TMTC3: variants seen among roughly 807,000 people sequenced by gnomAD.
The protein encoded by TMTC3 is protein O-mannosyl-transferase TMTC3.
A neutral mutation model predicts 92.2 loss-of-function variants in TMTC3; 52 were observed. That is an observed-to-expected ratio of 0.56 (90% CI 0.45 to 0.71). The LOEUF is 0.71. Ranked by LOEUF, TMTC3 falls within the 30% of genes least tolerant of loss-of-function variation. TMTC3 has a pLI of 0.00. For synonymous variants in TMTC3, 339 were observed against 363.3 expected (o/e 0.93, Z 0.76); for missense variants, 896 against 1,057.1 (o/e 0.85, Z 2.11).
chr12:88,172,446 C>A, intron 7 of TMTC3, 151 bp from the exon 8 acceptor site: 1 of 325,850 alleles, frequency 3.1e-6, no homozygotes, highest in Non-Finnish European at 5.0e-6. Flanking sequence ...ATATTCTTCA[C>A]AGTATTATTA....
Position 88,160,797 on chromosome 12 carries a change from T to C in TMTC3, c.743T>C (p.Leu248Ser). The change falls in exon 6 of 14, where the codon TTA (leucine) becomes TCA (serine). Residue 248 changes from leucine to serine, a missense_variant. Transcript: ENST00000266712. ...ATTGTCTTGATGTTCAGTACATTAT[T>C]ACTTGTTGTGATTAGAGTCCAGGTT... ...KLIVLMFSTL[L>S]LVVIRVQVIQ... is the part of the protein sequence containing the mutation. 2 of 1,613,408 alleles carry C rather than the reference T, an allele frequency of 1.2e-6. No homozygotes were observed. The highest frequency in any genetic ancestry group is 1.7e-6 in the Non-Finnish European group (2 of 1,179,640).
At position 88,195,598 on chromosome 12, in the gene TMTC3, T is replaced by C. The variant is rs2041502621; in HGVS notation, c.2694T>C (p.Val898=). 6.2e-7 allele frequency: 1 copy of C among 1,602,802 alleles called. No individual in the cohort carries two copies. Among genetic ancestry groups the C allele is most frequent in the South Asian group, 1.1e-5 (1 of 88,018 alleles). ...KDIKEIEKKR[V]AALKRLEEIE... ...TCAAAGAAATTGAGAAGAAAAGAGT[T>C]GCTGCTTTAAAAAGACTAGAAGAGA... Residue 898 remains valine, a synonymous_variant, in exon 14 of 14, where the codon GTT becomes GTC. Coordinates refer to ENST00000266712, the MANE Select transcript of TMTC3 (RefSeq NM_181783.4).
intron 4 of TMTC3, among the ~76,000 whole-genome samples, chr12:88,157,074 G>A (rs148118613): frequency 5.1e-4 from 78 of 151,992 alleles, no homozygotes; most frequent in Middle Eastern, 3.4e-3. Flanking sequence ...CTTAGGGTAG[G>A]TAACTTTTTC....
chr12:88,152,424 C>T (rs2040954476), intron 2 of TMTC3, among the ~76,000 whole-genome samples: 1 of 152,126 alleles, frequency 6.6e-6, no homozygotes, highest in South Asian at 2.1e-4. Flanking sequence ...TCCCACCAGG[C>T]CCAACCTTCA....
Position 88,174,612 on chromosome 12 carries a change from T to C in TMTC3, c.1205T>C (p.Phe402Ser), listed in dbSNP as rs776259332. Residue 402 changes from phenylalanine (F) to serine (S), a missense_variant, in exon 9 of 14, where the codon TTT (phenylalanine) becomes TCT (serine). Coordinates refer to ENST00000266712, the MANE Select transcript of TMTC3 (RefSeq NM_181783.4). ...GCTTTTTTTCTCTTAAACAGTGTAT[T>C]TAAAAAGCTATCCTGGATTTGTCTG... ...GWQKISTKSV[F>S]KKLSWICLSM... 1 of 1,605,570 alleles carries C rather than the reference T, an allele frequency of 6.2e-7. No homozygotes were observed. The highest frequency in any genetic ancestry group is 1.7e-5 in the Admixed American group (1 of 57,796).
intron 4 of TMTC3, among the ~76,000 whole-genome samples, chr12:88,155,403 A>G (rs1000068136): frequency 2.0e-5 from 3 of 152,178 alleles, no homozygotes; most frequent in Non-Finnish European, 4.4e-5. Context: ...TTTAAGTACC[A>G]TCCTCACCAA....
At chr12:88,173,941 T>A (rs2041231703) in intron 8 of TMTC3, among the ~76,000 whole-genome samples, 1 of 152,108 alleles carries the variant, frequency 6.6e-6, no homozygotes, top group Non-Finnish European at 1.5e-5. Flanking sequence ...TACTTGTGTG[T>A]TCTAGTTAAG....
rs1592723927 is a variant in TMTC3, at chr12:88,153,232, CT to C, written c.190-55del. ...CTTTAATGGTAAATGCAGTGATGAGCTTTTGTACCCTGTTGGACCAAGGTAC... is the reference window on the plus strand; with the variant it reads ...CTTTAATGGTAAATGCAGTGATGAGCTTTGTACCCTGTTGGACCAAGGTAC... On this transcript the variant is annotated intron_variant, in intron 2 of 13. Coordinates refer to ENST00000266712, the MANE Select transcript of TMTC3 (RefSeq NM_181783.4). The C allele has an allele frequency of 1.3e-5, 15 of 1,146,358 alleles. No homozygotes were observed. The East Asian group carries it at 3.6e-4, about 28-fold the overall frequency. The allele number at this position is 1,146,358 out of a possible 1,614,324, so 71.0% of individuals were successfully genotyped here. A position where few individuals can be genotyped will look rare whatever the true frequency, so the allele number is the denominator to read the frequency against.
At chr12:88,179,348 A>G (rs995188289) in intron 10 of TMTC3, among the ~76,000 whole-genome samples, 6 of 152,176 alleles carry the variant, frequency 3.9e-5, no homozygotes, top group Admixed American at 6.5e-5. Flanking sequence ...TGGTTAGTTA[A>G]AAGTTTGGAC....
chr12:88,165,364 C>T (rs2041132130), intron 6 of TMTC3, among the ~76,000 whole-genome samples: 1 of 151,912 alleles, frequency 6.6e-6, no homozygotes, highest in Admixed American at 6.6e-5. Context: ...TTCAGTTCTG[C>T]TGGTTATTTT....
intron 8 of TMTC3, chr12:88,173,148 T>G: frequency 1.7e-6 from 2 of 1,150,168 alleles, no homozygotes; most frequent in South Asian, 1.6e-5. Flanking sequence ...TGTAATTTCT[T>G]GCTATCATCA....
Position 88,160,226 on chromosome 12 carries a change from G to C in TMTC3, c.621G>C (p.Gln207His), listed in dbSNP as rs777314687. 1.3e-6 allele frequency: 2 copies of C among 1,515,986 alleles called. No homozygotes were observed. Among genetic ancestry groups the C allele is most frequent in the Admixed American group, 4.4e-5 (2 of 45,754 alleles). The allele number at this position is 1,515,986 out of a possible 1,614,324, so 93.9% of individuals were successfully genotyped here. ...GTGTGTATGAAGTGTTTATTGCCCA[G>C]GGGGTAAGCCAAACTATAAATATAT... Reference protein sequence around the residue: ...ICCVYEVFIAQGYTLPLLCTT... With the variant: ...ICCVYEVFIAHGYTLPLLCTT... The change falls in exon 5 of 14, where the codon CAG becomes CAC. Residue 207 changes from glutamine to histidine, a missense_variant. Physicochemically the swap from Gln to His is conservative, Grantham distance 24. Transcript: ENST00000266712.
intron 7 of TMTC3, 147 bp downstream of exon 7, chr12:88,166,729 C>A: frequency 1.1e-6 from 1 of 909,984 alleles, no homozygotes. Context: ...TTGAGTTTAT[C>A]CCAAAATTCT....
chr12:88,182,924 T>G (rs1227017860), intron 10 of TMTC3, among the ~76,000 whole-genome samples: 2 of 152,154 alleles, frequency 1.3e-5, no homozygotes, highest in African/African-American at 4.8e-5. Context: ...AAGTTCATAA[T>G]GACTACAGGC....
intron 10 of TMTC3, among the ~76,000 whole-genome samples, chr12:88,187,167 T>TAAAAAA (rs71448730): frequency 4.7e-5 from 6 of 126,348 alleles, no homozygotes; most frequent in South Asian, 2.5e-4. Context: ...ATTTATCTGG[T>TAAAAAA]AAAAAAAAAA....
chr12:88,198,235 A>G lies in TMTC3; in HGVS notation c.*2586A>G, dbSNP rs575460427. The G allele has an allele frequency of 5.0e-6, 2 of 396,686 alleles. No homozygotes were observed. Among genetic ancestry groups the G allele is most frequent in the African/African-American group, 4.1e-5 (2 of 48,382 alleles). 24.6% of individuals were successfully genotyped at this position (396,686 alleles called of 1,614,324 possible). The stretch of plus-strand genomic sequence containing the variant: ...TTTTTTCCTCTGGAGCTGCCTGTTC[A>G]GTGAGATGGAGGAGGTGGGCACATT... On this transcript the variant is annotated 3_prime_UTR_variant, in exon 14 of 14. Coordinates refer to ENST00000266712, the MANE Select transcript of TMTC3 (RefSeq NM_181783.4).
At chr12:88,146,460 A>T (rs1053074674) in intron 1 of TMTC3, among the ~76,000 whole-genome samples, 11 of 152,032 alleles carry the variant, frequency 7.2e-5, no homozygotes, top group African/African-American at 1.2e-4. Context: ...TAAGTAGCAG[A>T]GACTAGTTTT....
intron 6 of TMTC3, among the ~76,000 whole-genome samples, chr12:88,165,499 AT>A (rs1272164427): frequency 1.3e-5 from 2 of 152,048 alleles, no homozygotes; most frequent in Non-Finnish European, 2.9e-5. Context: ...TTTATCAAAT[AT>A]TTGATATGTT....
chr12:88,194,152 T>C (rs2138447302), intron 13 of TMTC3, among the ~76,000 whole-genome samples: 1 of 152,156 alleles, frequency 6.6e-6, no homozygotes. Context: ...AGCCCAGGAG[T>C]TTGAGGTTAC....
Sources: gnomAD v4.1 joint callset for allele counts (sites outside exome capture counted in the v4.1 genomes callset) on GRCh38, gnomAD v4.1.1 for gene constraint, MANE v1.5 for transcripts, NCBI Gene and HGNC (gene_info 2026-07-23, HGNC 2026-07-21) for gene names.